The following SLBP variants were observed in gnomAD, a reference collection of about 807,000 sequenced individuals.
The protein encoded by SLBP is histone RNA hairpin-binding protein.
A neutral mutation model predicts 39.2 loss-of-function variants in SLBP; 29 were observed. The observed-to-expected ratio is 0.74, with a 90% CI of 0.55 to 1.01. The LOEUF (loss-of-function observed/expected upper bound fraction) is 1.01. SLBP is among the 50% of genes least tolerant of loss of function. The pLI, the probability that SLBP is intolerant of heterozygous loss-of-function variation, is 0.00. For synonymous variants in SLBP, 129 were observed against 118.7 expected (o/e 1.09, Z -0.57); for missense variants, 390 against 350.2 (o/e 1.11, Z -0.91).
intron 2 of SLBP, among the ~76,000 whole-genome samples, chr4:1,708,020 A>G (rs1432121497): frequency 1.3e-5 from 2 of 150,342 alleles, no homozygotes; most frequent in Non-Finnish European, 3.0e-5. Context: ...CAGAGGTTGC[A>G]GTGAGCTGAG....
At chr4:1,709,222 C>T (rs1047722593) in intron 2 of SLBP, among the ~76,000 whole-genome samples, 2 of 152,102 alleles carry the variant, frequency 1.3e-5, no homozygotes, top group Admixed American at 6.6e-5. Context: ...CGCCACCATG[C>T]CCGACTAATT....
At chr4:1,697,881 G>A (rs1716174341) in intron 5 of SLBP, among the ~76,000 whole-genome samples, 2 of 152,226 alleles carry the variant, frequency 1.3e-5, no homozygotes, top group South Asian at 4.2e-4. Flanking sequence ...GCTCACGCTT[G>A]TAATCACAGT....
intron 3 of SLBP, among the ~76,000 whole-genome samples, chr4:1,702,143 C>T (rs554248874): frequency 3.3e-5 from 5 of 152,276 alleles, no homozygotes; most frequent in South Asian, 4.1e-4. Context: ...ACTAGGCTAT[C>T]GGTATGCAAG....
At chr4:1,710,771 C>T (rs963079181) in intron 2 of SLBP, among the ~76,000 whole-genome samples, 3 of 151,838 alleles carry the variant, frequency 2.0e-5, no homozygotes, top group Non-Finnish European at 4.4e-5. Context: ...CAAAGGTGGC[C>T]GGGCGCGGTG....
In SLBP at chr4:1,694,850, A is replaced by G. The variant is rs1397331641; in HGVS notation, c.630-10T>C. 1 of 1,605,190 alleles carries G rather than the reference A, an allele frequency of 6.2e-7. No homozygotes were observed. Among genetic ancestry groups the G allele is most frequent in the East Asian group, 2.2e-5 (1 of 44,828 alleles). On this transcript the variant is annotated splice_polypyrimidine_tract_variant and intron_variant, in intron 6 of 7. Transcript: ENST00000489418. ...AAGGTCTACAGGGTGTCTGTTAAACAAGATCCAACATGTGCGTCAGGCACT... is the reference window on the plus strand; with the variant it reads ...AAGGTCTACAGGGTGTCTGTTAAACGAGATCCAACATGTGCGTCAGGCACT...
rs753592128 is a variant in SLBP at position 1,699,581 on chromosome 4, A to G, written c.462T>C (p.Tyr154=). 4.3e-6 allele frequency: 7 copies of G among 1,614,038 alleles called. No homozygotes were observed. The highest frequency in any genetic ancestry group is 4.5e-5 in the East Asian group (2 of 44,876). The change falls in exon 5 of 8, where the codon TAT becomes TAC. Residue 154 remains tyrosine, a synonymous_variant. Transcript: ENST00000489418. ...YGKNTIAYDR[Y]IKEVPRHLRQ... ...AAGACTACCTTGGGACTTCTTTAAT[A>G]TAACGATCGTAGGCAATTGTGTTCT... is the stretch of plus-strand genomic sequence containing the variant.
chr4:1,709,466 G>A (rs1716649087), intron 2 of SLBP, among the ~76,000 whole-genome samples: 2 of 152,200 alleles, frequency 1.3e-5, no homozygotes, highest in South Asian at 4.1e-4. Context: ...GGACAGATTT[G>A]CAGGCTCCTA....
chr4:1,710,301 C>T (rs76219400), intron 2 of SLBP, among the ~76,000 whole-genome samples: 1 of 152,168 alleles, frequency 6.6e-6, no homozygotes, highest in African/African-American at 2.4e-5. Context: ...CTTCTCTAAG[C>T]AGCTTCTCAA....
At chr4:1,701,521 T>C (rs1219167929) in intron 3 of SLBP, among the ~76,000 whole-genome samples, 3 of 152,228 alleles carry the variant, frequency 2.0e-5, no homozygotes, top group Middle Eastern at 6.3e-3. Flanking sequence ...AAGCTGACAT[T>C]TCATACCGCT....
rs577258411 is a variant in SLBP at position 1,702,352 on chromosome 4, C to CAAATAACT, written c.281+1236_281+1243dup. 3.5e-3 allele frequency among the ~76,000 whole-genome samples: 529 copies of CAAATAACT among 152,260 alleles called. 3 individuals carry two copies. The highest frequency in any genetic ancestry group is 6.8e-3 in the Non-Finnish European group (460 of 68,010). On this transcript the variant is annotated intron_variant, in intron 3 of 7. Coordinates refer to ENST00000489418, the MANE Select transcript of SLBP (RefSeq NM_006527.4). ...CACATTTTGATACCAGAAGAAATGACAAATAACTCCCCCAAATGTTCAATA... is the reference window on the plus strand; with the variant it reads ...CACATTTTGATACCAGAAGAAATGACAAATAACTAAATAACTCCCCCAAATGTTCAATA...
chr4:1,701,255 C>T (rs1716317650), intron 3 of SLBP, among the ~76,000 whole-genome samples: 2 of 149,670 alleles, frequency 1.3e-5, no homozygotes, highest in Admixed American at 1.4e-4. Flanking sequence ...AAGCGATTCT[C>T]CTGCCTCAGC....
intron 2 of SLBP, among the ~76,000 whole-genome samples, chr4:1,704,191 C>G (rs1469190936): frequency 3.9e-5 from 6 of 152,140 alleles, no homozygotes; most frequent in African/African-American, 1.4e-4. Context: ...TGGCTGAAAT[C>G]AACTTATTTC....
chr4:1,699,979 A>G (rs1376424995), intron 4 of SLBP, 32 bp downstream of exon 4: 1 of 1,487,786 alleles, frequency 6.7e-7, no homozygotes, highest in Non-Finnish European at 9.2e-7. Context: ...AGGTCTATCA[A>G]ATTAGAAAAG....
chr4:1,693,884 C>T (rs1443784722), intron 7 of SLBP, among the ~76,000 whole-genome samples, 171 bp from the exon 8 acceptor site: 1 of 152,196 alleles, frequency 6.6e-6, no homozygotes. Context: ...AGAGAAACCA[C>T]ATGTACCATT....
intron 3 of SLBP, among the ~76,000 whole-genome samples, chr4:1,703,028 G>A (rs143852897): frequency 0.018 from 2,741 of 152,094 alleles, 40 homozygotes; most frequent in Non-Finnish European, 0.026. Flanking sequence ...GGGCGGATCA[G>A]GAGTTCAAGA....
intron 6 of SLBP, 25 bp from the exon 7 acceptor site, chr4:1,694,865 C>G: frequency 3.9e-6 from 6 of 1,556,524 alleles, no homozygotes; most frequent in Non-Finnish European, 5.3e-6. Context: ...CCAACATGTG[C>G]GTCAGGCACT....
intron 7 of SLBP, among the ~76,000 whole-genome samples, chr4:1,694,402 T>C (rs1386429714): frequency 6.7e-6 from 1 of 149,156 alleles, no homozygotes; most frequent in Admixed American, 6.7e-5. Context: ...CTTTCTTTTT[T>C]TTTTTTTGAG....
At chr4:1,709,785 G>C (rs1371846278) in intron 2 of SLBP, among the ~76,000 whole-genome samples, 1 of 152,048 alleles carries the variant, frequency 6.6e-6, no homozygotes, top group African/African-American at 2.4e-5. Context: ...CTAATTTTTT[G>C]TATTTTTAGT....
chr4:1,693,554 A>C lies in SLBP; in HGVS notation c.*43T>G. 8.4e-7 allele frequency: 1 copy of C among 1,191,968 alleles called. No homozygotes were observed. Among genetic ancestry groups the C allele is most frequent in the South Asian group, 1.2e-5 (1 of 82,252 alleles). 73.8% of individuals were successfully genotyped at this position (1,191,968 alleles called of 1,614,324 possible). A position where few individuals can be genotyped will look rare whatever the true frequency, so the allele number is the denominator to read the frequency against. On this transcript the variant is annotated 3_prime_UTR_variant, in exon 8 of 8. Transcript: ENST00000489418. ...TTGGTGCCTGGCCAGCCTTCCACCTAGTCGGGGAGGAGCTGTTTCTCTTCC... is the reference window on the plus strand; with the variant it reads ...TTGGTGCCTGGCCAGCCTTCCACCTCGTCGGGGAGGAGCTGTTTCTCTTCC...
Sources: gnomAD v4.1 joint callset for allele counts (sites outside exome capture counted in the v4.1 genomes callset) on GRCh38, gnomAD v4.1.1 for gene constraint, MANE v1.5 for transcripts, NCBI Gene and HGNC (gene_info 2026-07-23, HGNC 2026-07-21) for gene names.